Variants in SLC27A5 observed in about 807,000 individuals in gnomAD.
The protein encoded by SLC27A5 is long-chain fatty acid transport protein 5.
Under a neutral mutation model 63.1 loss-of-function variants are expected in SLC27A5, and 47 were observed. The ratio of observed to expected loss-of-function variants is 0.74; its 90% CI spans 0.59 to 0.95. SLC27A5 has a LOEUF of 0.95. Among genes scored for constraint, SLC27A5 ranks in the 40% least tolerant of loss-of-function variants. The probability of loss-of-function intolerance (pLI) is 0.00; values close to 1 mark genes in which losing one functional copy is unlikely to be tolerated. For synonymous variants in SLC27A5, 391 were observed against 403.8 expected, an observed-to-expected ratio of 0.97 and a Z score of 0.38; for missense variants, 940 against 921.0, an observed-to-expected ratio of 1.02 and a Z score of -0.27.
intron 3 of SLC27A5, among the ~76,000 whole-genome samples, chr19:58,503,014 G>A (rs2053300098): frequency 6.6e-6 from 1 of 152,082 alleles, no homozygotes. Flanking sequence ...AGACCATCCT[G>A]GCTAACACGG....
chr19:58,509,896 C>T lies in SLC27A5; in HGVS notation c.1008G>A (p.Leu336=), dbSNP rs2053389874. Residue 336 remains leucine, a synonymous_variant, in exon 3 of 10, where the codon CTG becomes CTA. Coordinates refer to ENST00000263093, the MANE Select transcript of SLC27A5 (RefSeq NM_012254.3). Reference sequence around the variant, plus strand: ...CAACGACAAGTCCCATCACGTGGTACAGAGGCAGGACCGTGTAAACCACAT... The same window carrying T: ...CAACGACAAGTCCCATCACGTGGTATAGAGGCAGGACCGTGTAAACCACAT... The part of the protein sequence containing the change: ...ADDVVYTVLP[L]YHVMGLVVGI... 6.2e-7 allele frequency: 1 copy of T among 1,613,904 alleles called. No individual in the cohort carries two copies. The highest frequency in any genetic ancestry group is 1.3e-5 in the African/African-American group (1 of 75,010).
At chr19:58,505,709 G>A (rs532430527) in intron 3 of SLC27A5, among the ~76,000 whole-genome samples, 1 of 151,662 alleles carries the variant, frequency 6.6e-6, no homozygotes, top group East Asian at 2.0e-4. Flanking sequence ...TTAGCCGGTC[G>A]TGAGGGCACA....
At chr19:58,498,750 T>C (rs781547577) in intron 9 of SLC27A5, 35 bp downstream of exon 9, 1 of 1,611,332 alleles carries the variant, frequency 6.2e-7, no homozygotes, top group Non-Finnish European at 8.5e-7. Context: ...CTGGCTATGA[T>C]CTTCCACCCA....
chr19:58,506,003 TAGCC>T (rs1171443417), intron 3 of SLC27A5, among the ~76,000 whole-genome samples: 1 of 150,910 alleles, frequency 6.6e-6, no homozygotes, highest in Non-Finnish European at 1.5e-5. Flanking sequence ...ATACAAAAGT[TAGCC>T]AGGCACGGTG....
intron 3 of SLC27A5, 151 bp from the exon 4 acceptor site, chr19:58,501,561 C>T: frequency 1.2e-6 from 1 of 810,838 alleles, no homozygotes; most frequent in South Asian, 1.9e-5. Flanking sequence ...CAGGACTGCT[C>T]TCACTAGAAG....
rs1330780498 is a variant in SLC27A5 at position 58,509,985 on chromosome 19, G to C, written c.919C>G (p.Leu307Val). 1 of 1,613,864 alleles carries C rather than the reference G, an allele frequency of 6.2e-7. No homozygotes were observed. The highest frequency in any genetic ancestry group is 1.1e-5 in the South Asian group (1 of 91,064). ...ATCTGCAGTACCCGCTCATGCGTGA[G>C]GATGGCTGGCTTCGGGAGGCCTTGG... is the stretch of plus-strand genomic sequence containing the variant. ...GTTGLPKPAILTHERVLQMSK... is the reference protein window; with the variant it reads ...GTTGLPKPAIVTHERVLQMSK... Residue 307 changes from leucine (L) to valine (V), a missense_variant, in exon 3 of 10, where the codon CTC becomes GTC. Coordinates refer to ENST00000263093, the MANE Select transcript of SLC27A5 (RefSeq NM_012254.3).
intron 4 of SLC27A5, 185 bp downstream of exon 4, chr19:58,501,101 C>T (rs2122493234): frequency 1.7e-6 from 2 of 1,172,584 alleles, no homozygotes; most frequent in South Asian, 3.7e-5. Context: ...CACTGAGGCT[C>T]AAGGTAGCAC....
chr19:58,506,202 T>G (rs2053345023), intron 3 of SLC27A5, among the ~76,000 whole-genome samples: 1 of 151,756 alleles, frequency 6.6e-6, no homozygotes, highest in Non-Finnish European at 1.5e-5. Flanking sequence ...GCAGGGATTA[T>G]AGGCATGAGG....
In SLC27A5 at chr19:58,498,679, C is replaced by A; in HGVS notation, c.1909G>T (p.Val637Phe). 1 of 1,613,940 alleles carries A rather than the reference C, an allele frequency of 6.2e-7. No homozygotes were observed. Among genetic ancestry groups the A allele is most frequent in the Non-Finnish European group, 8.5e-7 (1 of 1,179,910 alleles). The change falls in exon 10 of 10, where the codon GTC becomes TTC. Residue 637 changes from valine (V) to phenylalanine (F), a missense_variant. By Grantham distance (50) the Val-to-Phe change is conservative. Coordinates refer to ENST00000263093, the MANE Select transcript of SLC27A5 (RefSeq NM_012254.3). ...TTCATCAGTTTGAACGTGCTGGTGACCTCCATGGCGTCCTGCAGGGCAGTG... is the reference window on the plus strand; with the variant it reads ...TTCATCAGTTTGAACGTGCTGGTGAACTCCATGGCGTCCTGCAGGGCAGTG... The part of the protein sequence containing the change: ...HFIRIQDAME[V>F]TSTFKLMKTR...
intron 2 of SLC27A5, 139 bp from the exon 3 acceptor site, chr19:58,510,144 T>C (rs957884527): frequency 2.8e-5 from 23 of 822,236 alleles, no homozygotes; most frequent in Non-Finnish European, 3.8e-5. Context: ...TAGGGATTTG[T>C]GGTTGGGTTC....
chr19:58,500,420 G>A lies in SLC27A5; in HGVS notation c.1387C>T (p.Pro463Ser), dbSNP rs868777601. The A allele has an allele frequency of 1.2e-6, 2 of 1,613,718 alleles. No homozygotes were observed. The highest frequency in any genetic ancestry group is 1.3e-5 in the African/African-American group (1 of 74,888). Residue 463 changes from proline to serine, a missense_variant, in exon 6 of 10, where the codon CCC becomes TCC. By Grantham distance (74) the Pro-to-Ser change is moderately conservative. Coordinates refer to ENST00000263093, the MANE Select transcript of SLC27A5 (RefSeq NM_012254.3). The stretch of plus-strand genomic sequence containing the variant: ...ATGTCGAACTGCACCAGCTCAAAGG[G>A]GGACAGCATCTGGGGTGGAGGGTGG... The part of the protein sequence containing the change: ...KMSCLLRMLS[P>S]FELVQFDMEA...
At chr19:58,501,498 A>G in intron 3 of SLC27A5, 88 bp from the exon 4 acceptor site, 1 of 1,420,584 alleles carries the variant, frequency 7.0e-7, no homozygotes, top group Non-Finnish European at 9.6e-7. Flanking sequence ...ACCCACCCCC[A>G]CACCCTGAAA....
At chr19:58,499,250 A>G (rs1433910496) in intron 7 of SLC27A5, 30 bp from the exon 8 acceptor site, 1 of 1,603,820 alleles carries the variant, frequency 6.2e-7, no homozygotes, top group Non-Finnish European at 8.5e-7. Flanking sequence ...GCTTGTGACC[A>G]CGCCCCCGGG....
chr19:58,506,147 G>A (rs1002891695), intron 3 of SLC27A5, among the ~76,000 whole-genome samples: 2 of 150,716 alleles, frequency 1.3e-5, no homozygotes, highest in Non-Finnish European at 3.0e-5. Context: ...GGCTGGTGTT[G>A]AACTCCTGGG....
In SLC27A5 at chr19:58,511,748, CCG is replaced by C; in HGVS notation, c.206_207del (p.Ala69GlyfsTer21). ...GCTGGCAGGAGGGTTAGTGCCAGGG[CCG>C]CAGCTGCCAGGCTCAGCCCATGGGG... ...WVPHGLSLAA[A>X]ALALTLLPAR... On this transcript the variant is annotated frameshift_variant, in exon 1 of 10. Transcript: ENST00000263093. LOFTEE classifies it high-confidence loss of function. 6.5e-7 allele frequency: 1 copy of C among 1,550,180 alleles called. No homozygotes were observed. Among genetic ancestry groups the C allele is most frequent in the Non-Finnish European group, 8.7e-7 (1 of 1,146,206 alleles).
Position 58,500,613 on chromosome 19 carries a change from T to G in SLC27A5, c.1276A>C (p.Ile426Leu), listed in dbSNP as rs766779880. Residue 426 changes from isoleucine to leucine, a missense_variant, in exon 5 of 10, where the codon ATT becomes CTT. Ile to Leu is a conservative substitution (Grantham distance 5, BLOSUM62 2). Coordinates refer to ENST00000263093, the MANE Select transcript of SLC27A5 (RefSeq NM_012254.3). Reference sequence around the variant, plus strand: ...GAGCCGTAGACTTCCCAGATCCGAATAGGACCGAAGCGCTGCTGGAAGGTC... The same window carrying G: ...GAGCCGTAGACTTCCCAGATCCGAAGAGGACCGAAGCGCTGCTGGAAGGTC... ...WETFQQRFGPIRIWEVYGSTE... is the reference protein window; with the variant it reads ...WETFQQRFGPLRIWEVYGSTE... The G allele has an allele frequency of 1.9e-6, 3 of 1,614,112 alleles. No individual in the cohort carries two copies. Among genetic ancestry groups the G allele is most frequent in the Non-Finnish European group, 2.5e-6 (3 of 1,180,028 alleles).
At chr19:58,501,641 G>A (rs1041117529) in intron 3 of SLC27A5, among the ~76,000 whole-genome samples, 1 of 152,164 alleles carries the variant, frequency 6.6e-6, no homozygotes, top group African/African-American at 2.4e-5. Context: ...GTTATAAAGT[G>A]AGCAATGCTA....
intron 2 of SLC27A5, chr19:58,510,243 C>A (rs938764589): frequency 2.1e-6 from 1 of 475,598 alleles, no homozygotes; most frequent in Non-Finnish European, 3.7e-6. Flanking sequence ...TGGCATTGAC[C>A]TCTCAAATTA....
Position 58,499,647 on chromosome 19 carries a change from G to C in SLC27A5, c.1512C>G (p.Pro504=). Reference sequence around the variant, plus strand: ...CTCGGGGGCCGCGGTAGCCCACGAAGGGTTGCTGGCTTACCACCTTGGTCA... The same window carrying C: ...CTCGGGGGCCGCGGTAGCCCACGAACGGTTGCTGGCTTACCACCTTGGTCA... ...LLLTKVVSQQ[P]FVGYRGPREL... is the part of the protein sequence containing the mutation. Residue 504 remains proline (P), a synonymous_variant, in exon 7 of 10, where the codon CCC becomes CCG. Coordinates refer to ENST00000263093, the MANE Select transcript of SLC27A5 (RefSeq NM_012254.3). 6.2e-7 allele frequency: 1 copy of C among 1,612,154 alleles called. No individual in the cohort carries two copies. Among genetic ancestry groups the C allele is most frequent in the Non-Finnish European group, 8.5e-7 (1 of 1,179,918 alleles).
Sources: gnomAD v4.1 joint callset for allele counts (sites outside exome capture counted in the v4.1 genomes callset) on GRCh38, gnomAD v4.1.1 for gene constraint, MANE v1.5 for transcripts, NCBI Gene and HGNC (gene_info 2026-07-23, HGNC 2026-07-21) for gene names.